Variants in RAB3B observed in about 807,000 individuals in gnomAD.
RAB3B encodes the protein RAB3B, member RAS oncogene family.
A neutral mutation model predicts 20.5 loss-of-function variants in RAB3B; 11 were observed. The observed-to-expected ratio is 0.54, with a 90% CI of 0.34 to 0.89. RAB3B has a LOEUF of 0.89. RAB3B is among the 40% of genes least tolerant of loss of function. The pLI is 0.02. For missense variants in RAB3B, 225 were observed against 280.9 expected, an observed-to-expected ratio of 0.80 and a Z score of 1.42; for synonymous variants, 99 against 106.3, an observed-to-expected ratio of 0.93 and a Z score of 0.42.
At chr1:51,932,018 C>A (rs758467684) in intron 4 of RAB3B, among the ~76,000 whole-genome samples, 1 of 152,124 alleles carries the variant, frequency 6.6e-6, no homozygotes, top group Non-Finnish European at 1.5e-5. Flanking sequence ...ACTCTGAGAA[C>A]CTCTGTGATA....
chr1:51,956,190 A>G (rs1314759316), intron 2 of RAB3B, among the ~76,000 whole-genome samples: 1 of 152,196 alleles, frequency 6.6e-6, no homozygotes, highest in Non-Finnish European at 1.5e-5. Context: ...TTAAATAGGG[A>G]TATTAGACTA....
chr1:51,960,282 G>A (rs893558815), intron 2 of RAB3B, among the ~76,000 whole-genome samples: 2 of 152,320 alleles, frequency 1.3e-5, no homozygotes, highest in Non-Finnish European at 2.9e-5. Context: ...AGATGAATAT[G>A]ACAAGAGCAG....
At chr1:51,959,288 G>A (rs1445292697) in intron 2 of RAB3B, among the ~76,000 whole-genome samples, 2 of 152,088 alleles carry the variant, frequency 1.3e-5, no homozygotes, top group East Asian at 1.9e-4. Flanking sequence ...AGGAGGCCTC[G>A]GCAGGAGGAT....
intron 4 of RAB3B, among the ~76,000 whole-genome samples, chr1:51,929,656 T>C (rs1255364878): frequency 6.6e-6 from 1 of 152,180 alleles, no homozygotes; most frequent in Non-Finnish European, 1.5e-5. Flanking sequence ...ATTTGCAATT[T>C]TATCACTTGC....
At chr1:51,988,712 G>A (rs568051733) in intron 1 of RAB3B, among the ~76,000 whole-genome samples, 13 of 152,288 alleles carry the variant, frequency 8.5e-5, no homozygotes, top group African/African-American at 2.9e-4. Flanking sequence ...ACCAGGACCT[G>A]TGCTATACTT....
At chr1:51,921,076 T>C (rs1684166263) in intron 4 of RAB3B, among the ~76,000 whole-genome samples, 2 of 152,220 alleles carry the variant, frequency 1.3e-5, no homozygotes, top group Admixed American at 1.3e-4. Flanking sequence ...AAGGCCCTCC[T>C]GATTCCAAAA....
intron 2 of RAB3B, 57 bp from the exon 3 acceptor site, chr1:51,937,469 A>T: frequency 8.0e-7 from 1 of 1,252,140 alleles, no homozygotes; most frequent in Admixed American, 2.3e-5. Flanking sequence ...GTTCCTAAAA[A>T]GTCCCCAGGA....
intron 2 of RAB3B, among the ~76,000 whole-genome samples, chr1:51,944,970 C>A (rs932511829): frequency 2.0e-5 from 3 of 152,326 alleles, no homozygotes; most frequent in African/African-American, 4.8e-5. Flanking sequence ...ACAGAGAAAT[C>A]TTTCATGAAA....
At chr1:51,956,872 T>G (rs1346756978) in intron 2 of RAB3B, among the ~76,000 whole-genome samples, 1 of 152,196 alleles carries the variant, frequency 6.6e-6, no homozygotes, top group Non-Finnish European at 1.5e-5. Flanking sequence ...AGTAATGAGA[T>G]TCAGAGATTA....
intron 2 of RAB3B, among the ~76,000 whole-genome samples, chr1:51,975,222 T>C (rs768988975): frequency 7.9e-5 from 12 of 151,912 alleles, no homozygotes; most frequent in Non-Finnish European, 8.8e-5. Context: ...TCGAAAAAAA[T>C]AAAATAAAAT....
intron 1 of RAB3B, among the ~76,000 whole-genome samples, chr1:51,978,448 C>T (rs1022801843): frequency 2.0e-5 from 3 of 152,156 alleles, no homozygotes. Flanking sequence ...GCCTTCAAAG[C>T]CTAGGTCCTT....
chr1:51,990,245 C>G (rs1331382601), intron 1 of RAB3B, among the ~76,000 whole-genome samples: 5 of 109,022 alleles, frequency 4.6e-5, no homozygotes, highest in Middle Eastern at 3.9e-3. Context: ...CCCGTTTCCC[C>G]CAGCGATCCC....
In RAB3B at chr1:51,914,514, A is replaced by G. The variant is rs1186363411; in HGVS notation, c.*5413T>C. 1 of 152,236 alleles carries G rather than the reference A, an allele frequency of 6.6e-6. No individual in the cohort carries two copies. The highest frequency in any genetic ancestry group is 1.5e-5 in the Non-Finnish European group (1 of 68,040). 9.4% of individuals were successfully genotyped at this position (152,236 alleles called of 1,614,324 possible). A position where few individuals can be genotyped will look rare whatever the true frequency, so the allele number is the denominator to read the frequency against. ...TTTCATGAAAGCAAGAACTGTGTCTAATTTGCCACTACTTGTATCCTGGCA... is the reference window on the plus strand; with the variant it reads ...TTTCATGAAAGCAAGAACTGTGTCTGATTTGCCACTACTTGTATCCTGGCA... On this transcript the variant is annotated 3_prime_UTR_variant, in exon 5 of 5. Transcript: ENST00000371655.
chr1:51,954,295 G>A (rs1032267341), intron 2 of RAB3B, among the ~76,000 whole-genome samples: 9 of 152,192 alleles, frequency 5.9e-5, no homozygotes, highest in Non-Finnish European at 1.3e-4. Flanking sequence ...CTACGCTTAT[G>A]TTATAATGCT....
intron 1 of RAB3B, among the ~76,000 whole-genome samples, chr1:51,980,117 T>C (rs936074912): frequency 1.3e-5 from 2 of 151,864 alleles, no homozygotes; most frequent in African/African-American, 2.4e-5. Context: ...TTTCCTCCAA[T>C]ATTTTTTCAT....
At chr1:51,965,719 A>G (rs1684842598) in intron 2 of RAB3B, among the ~76,000 whole-genome samples, 1 of 152,178 alleles carries the variant, frequency 6.6e-6, no homozygotes, top group African/African-American at 2.4e-5. Context: ...TAAATGCAAT[A>G]CGGTATCTTG....
rs1683944015 is a variant in RAB3B at position 51,908,117 on chromosome 1, A to G, written c.*11810T>C. On this transcript the variant is annotated 3_prime_UTR_variant, in exon 5 of 5. Coordinates refer to ENST00000371655, the MANE Select transcript of RAB3B (RefSeq NM_002867.4). Reference sequence around the variant, plus strand: ...GAGATCTTCTCTTTTGCTACTGTGTATATATATTCCTTTATATTTATACAA... The same window carrying G: ...GAGATCTTCTCTTTTGCTACTGTGTGTATATATTCCTTTATATTTATACAA... 1.3e-5 allele frequency: 2 copies of G among 152,202 alleles called. No individual in the cohort carries two copies. The highest frequency in any genetic ancestry group is 1.3e-4 in the Admixed American group (2 of 15,252). The allele number at this position is 152,202 out of a possible 1,614,324, so 9.4% of individuals were successfully genotyped here. A position where few individuals can be genotyped will look rare whatever the true frequency, so the allele number is the denominator to read the frequency against.
chr1:51,972,496 T>C (rs1036243963), intron 2 of RAB3B, among the ~76,000 whole-genome samples: 16 of 150,346 alleles, frequency 1.1e-4, no homozygotes, highest in East Asian at 7.7e-4. Flanking sequence ...TTTCTTTTTT[T>C]TTTTTTTTTT....
rs114759042 is a variant in RAB3B at position 51,943,644 on chromosome 1, T to A, written c.229-6232A>T. Among the ~76,000 whole-genome samples the A allele has an allele frequency of 5.5e-3, 845 of 152,318 alleles. 8 individuals are homozygous for A. Among genetic ancestry groups the A allele is most frequent in the African/African-American group, 0.019 (804 of 41,568 alleles). On this transcript the variant is annotated intron_variant, in intron 2 of 4. Coordinates refer to ENST00000371655, the MANE Select transcript of RAB3B (RefSeq NM_002867.4). ...GCTACTCTTGCGAACACATAAGTGA[T>A]AAGAAAGCAAAACAACCTTATTGGC...
Sources: allele counts gnomAD v4.1 joint callset (sites outside exome capture counted in the v4.1 genomes callset), GRCh38; gene constraint gnomAD v4.1.1; transcripts MANE v1.5; gene names NCBI Gene and HGNC (gene_info 2026-07-23, HGNC 2026-07-21).